Variants in LRP1B observed in about 807,000 individuals in gnomAD.
The protein encoded by LRP1B is low-density lipoprotein receptor-related protein 1B.
A neutral mutation model predicts 556.6 loss-of-function variants in LRP1B; 217 were observed. The observed-to-expected ratio is 0.39, with a 90% CI of 0.35 to 0.44. The LOEUF (loss-of-function observed/expected upper bound fraction) is 0.44. Among genes scored for constraint, LRP1B ranks in the 20% least tolerant of loss-of-function variants. The pLI is 1.00. For synonymous variants in LRP1B, 2,047 were observed against 1,865.8 expected (o/e 1.10, Z -2.50); for missense variants, 5,053 against 5,620.8 (o/e 0.90, Z 3.23).
intron 3 of LRP1B, among the ~76,000 whole-genome samples, chr2:141,406,645 C>T (rs894789571): frequency 2.6e-5 from 4 of 151,360 alleles, no homozygotes; most frequent in Admixed American, 2.6e-4. Context: ...AAATTATAAT[C>T]GTTTCCAAAG....
At chr2:141,673,700 A>G (rs759208521) in intron 2 of LRP1B, among the ~76,000 whole-genome samples, 1 of 152,128 alleles carries the variant, frequency 6.6e-6, no homozygotes, top group Non-Finnish European at 1.5e-5. Flanking sequence ...TGTGCAATTT[A>G]TATTTTGAAC....
At chr2:141,967,898 G>A (rs1347320336) in intron 1 of LRP1B, among the ~76,000 whole-genome samples, 5 of 151,818 alleles carry the variant, frequency 3.3e-5, no homozygotes, top group South Asian at 2.1e-4. Context: ...ACTAGGTCTC[G>A]TTTTTAATGT....
intron 2 of LRP1B, among the ~76,000 whole-genome samples, chr2:141,601,758 C>T (rs1559169171): frequency 1.3e-5 from 2 of 151,896 alleles, no homozygotes; most frequent in African/African-American, 4.8e-5. Flanking sequence ...ATTCTTGTGC[C>T]TCAACCTCTA....
intron 83 of LRP1B, 98 bp from the exon 84 acceptor site, chr2:140,298,067 T>C: frequency 1.7e-6 from 2 of 1,158,136 alleles, no homozygotes; most frequent in Non-Finnish European, 2.4e-6. Flanking sequence ...GCCAGGTTTC[T>C]GGTCAAGGTC....
chr2:141,403,303 CG>C (rs1479046159), intron 3 of LRP1B, among the ~76,000 whole-genome samples: 1 of 151,928 alleles, frequency 6.6e-6, no homozygotes, highest in Non-Finnish European at 1.5e-5. Flanking sequence ...CTATTTTGTA[CG>C]TTTTAATAGG....
chr2:140,423,684 C>T (rs1247120257), intron 66 of LRP1B, among the ~76,000 whole-genome samples: 2 of 152,038 alleles, frequency 1.3e-5, no homozygotes, highest in Admixed American at 1.3e-4. Flanking sequence ...AACACTATTA[C>T]AGTTCCTTAA....
chr2:140,298,588 G>A (rs1683698988), intron 83 of LRP1B, among the ~76,000 whole-genome samples: 1 of 152,080 alleles, frequency 6.6e-6, no homozygotes, highest in African/African-American at 2.4e-5. Flanking sequence ...CACAAGAGTG[G>A]ACTGTACTTG....
intron 66 of LRP1B, among the ~76,000 whole-genome samples, chr2:140,417,106 G>A (rs187570110): frequency 6.6e-5 from 10 of 152,240 alleles, no homozygotes; most frequent in South Asian, 4.2e-4. Flanking sequence ...ACAAAGCACC[G>A]TGCATTAAAA....
Position 141,786,942 on chromosome 2 carries a change from T to C in LRP1B, c.205+23337A>G, listed in dbSNP as rs547545948. Among the ~76,000 whole-genome samples the C allele has an allele frequency of 8.5e-5, 13 of 152,098 alleles. No individual in the cohort carries two copies. The East Asian group carries it at 2.3e-3, about 27-fold the overall frequency. ...TAGTATTTTGATATGGTGAATTATA[T>C]TGAGTGATTTTTAATATTGAAACAA... is the stretch of plus-strand genomic sequence containing the variant. On this transcript the variant is annotated intron_variant, in intron 2 of 90. Coordinates refer to ENST00000389484, the MANE Select transcript of LRP1B (RefSeq NM_018557.3).
At chr2:140,859,621 A>T (rs1692727464) in intron 27 of LRP1B, among the ~76,000 whole-genome samples, 1 of 152,192 alleles carries the variant, frequency 6.6e-6, no homozygotes, top group Non-Finnish European at 1.5e-5. Context: ...TTATTTTATT[A>T]TATTATGCTA....
At chr2:142,037,205 G>A (rs1487080235) in intron 1 of LRP1B, among the ~76,000 whole-genome samples, 1 of 151,602 alleles carries the variant, frequency 6.6e-6, no homozygotes, top group Non-Finnish European at 1.5e-5. Context: ...GATTTAGTTT[G>A]GATTCACTTC....
chr2:141,876,742 A>G (rs1698773124), intron 1 of LRP1B, among the ~76,000 whole-genome samples: 1 of 151,944 alleles, frequency 6.6e-6, no homozygotes, highest in South Asian at 2.1e-4. Flanking sequence ...CAAGTTTCTT[A>G]CGTTGGCTTT....
At chr2:141,541,590 C>A (rs1685262448) in intron 2 of LRP1B, among the ~76,000 whole-genome samples, 1 of 152,034 alleles carries the variant, frequency 6.6e-6, no homozygotes, top group African/African-American at 2.4e-5. Flanking sequence ...ATCCTTATAG[C>A]TCAATTTTAA....
chr2:140,298,443 T>C (rs1320792344), intron 83 of LRP1B, among the ~76,000 whole-genome samples: 1 of 152,180 alleles, frequency 6.6e-6, no homozygotes, highest in African/African-American at 2.4e-5. Flanking sequence ...AAATAAATCT[T>C]GTAATAAGTT....
intron 15 of LRP1B, among the ~76,000 whole-genome samples, chr2:140,997,962 T>C (rs2105364315): frequency 6.6e-6 from 1 of 152,184 alleles, no homozygotes; most frequent in East Asian, 1.9e-4. Context: ...TGTGAGTTCC[T>C]ATGCACAGAG....
chr2:140,669,404 C>A (rs768294925), intron 41 of LRP1B, among the ~76,000 whole-genome samples: 6 of 151,686 alleles, frequency 4.0e-5, no homozygotes, highest in Non-Finnish European at 5.9e-5. Context: ...GGAGGGAAGA[C>A]CATTTAGGAA....
At chr2:141,639,402 A>G (rs1175173321) in intron 2 of LRP1B, among the ~76,000 whole-genome samples, 1 of 126,098 alleles carries the variant, frequency 7.9e-6, no homozygotes, top group African/African-American at 2.9e-5. Flanking sequence ...ACATATATAT[A>G]TATGTGTATA....
intron 7 of LRP1B, among the ~76,000 whole-genome samples, chr2:141,140,259 T>C (rs912392342): frequency 6.6e-6 from 1 of 152,122 alleles, no homozygotes; most frequent in Non-Finnish European, 1.5e-5. Flanking sequence ...GTAGTAATGT[T>C]TCCACTGACA....
At chr2:140,789,618 CTTTTTTTTTTTTTTTT>C (rs756120273) in intron 32 of LRP1B, among the ~76,000 whole-genome samples, 135 of 71,774 alleles carry the variant, frequency 1.9e-3, no homozygotes, top group African/African-American at 7.4e-3. Context: ...GCTTTAAGGA[CTTTTTTTTTTTTTTTT>C]TTTTTTTTTT....
Sources: allele counts gnomAD v4.1 joint callset (sites outside exome capture counted in the v4.1 genomes callset), GRCh38; gene constraint gnomAD v4.1.1; transcripts MANE v1.5; gene names NCBI Gene and HGNC (gene_info 2026-07-23, HGNC 2026-07-21).